Variants in CAPN2 observed in about 807,000 individuals in gnomAD.
CAPN2 encodes the protein calpain-2 catalytic subunit.
CAPN2 carries 92 observed loss-of-function variants against 102.3 expected under a neutral mutation model. That is an observed-to-expected ratio of 0.90 (90% CI 0.76 to 1.07). CAPN2 has a LOEUF of 1.07. CAPN2 is among the 50% of genes least tolerant of loss of function. CAPN2 has a pLI of 0.00. For synonymous variants in CAPN2, 340 were observed against 355.4 expected, an observed-to-expected ratio of 0.96 and a Z score of 0.49; for missense variants, 800 against 909.4, an observed-to-expected ratio of 0.88 and a Z score of 1.55.
intron 2 of CAPN2, among the ~76,000 whole-genome samples, chr1:223,730,459 A>G (rs925621850): frequency 3.1e-4 from 47 of 152,066 alleles, no homozygotes; most frequent in African/African-American, 1.1e-3. Flanking sequence ...CACCCCTGCT[A>G]TAGAATGTAG....
intron 15 of CAPN2, among the ~76,000 whole-genome samples, chr1:223,765,520 G>T (rs1049517412): frequency 6.6e-6 from 1 of 151,848 alleles, no homozygotes; most frequent in African/African-American, 2.4e-5. Flanking sequence ...ATGGAGGGTG[G>T]GGCTGGGAGG....
At chr1:223,719,809 T>TGTGC (rs1335766465) in intron 2 of CAPN2, among the ~76,000 whole-genome samples, 18 of 139,628 alleles carry the variant, frequency 1.3e-4, no homozygotes, top group East Asian at 4.0e-4. Context: ...TGTGTGCGTG[T>TGTGC]GTGTGTGTGT....
intron 6 of CAPN2, 157 bp downstream of exon 6, chr1:223,749,279 G>A: frequency 4.6e-6 from 3 of 647,816 alleles, no homozygotes; most frequent in Admixed American, 3.0e-5. Flanking sequence ...GGAGAAGGGC[G>A]TCCCTTTCGC....
chr1:223,707,254 T>C (rs530357348), intron 1 of CAPN2, among the ~76,000 whole-genome samples: 6 of 142,020 alleles, frequency 4.2e-5, no homozygotes, highest in Non-Finnish European at 7.7e-5. Context: ...CTCTCTCTCT[T>C]CTTCTCTCTC....
At chr1:223,751,036 G>A (rs1295459511) in intron 7 of CAPN2, 61 bp downstream of exon 7, 5 of 1,315,088 alleles carry the variant, frequency 3.8e-6, no homozygotes, top group African/African-American at 2.9e-5. Flanking sequence ...GAGGCTCTGG[G>A]AAGAGGGCGA....
rs1345557489 is a variant in CAPN2, at chr1:223,766,290, A to C, written c.1691-77A>C. On this transcript the variant is annotated intron_variant, in intron 15 of 20. Coordinates refer to ENST00000295006, the MANE Select transcript of CAPN2 (RefSeq NM_001748.5). ...TATGTGAAGGGCACAGATAAAGAAT[A>C]TCTCCATGATTGTGGAAAGTTCAGT... 2.8e-6 allele frequency: 3 copies of C among 1,060,912 alleles called. No individual in the cohort carries two copies. The East Asian group carries it at 7.1e-5, about 25-fold the overall frequency. The allele number at this position is 1,060,912 out of a possible 1,614,324, so 65.7% of individuals were successfully genotyped here.
intron 2 of CAPN2, among the ~76,000 whole-genome samples, chr1:223,739,951 G>A (rs1660571464): frequency 6.6e-6 from 1 of 152,208 alleles, no homozygotes; most frequent in Non-Finnish European, 1.5e-5. Context: ...AACAGGCTTT[G>A]CCAGGAAGAG....
intron 16 of CAPN2, 72 bp downstream of exon 16, chr1:223,766,503 C>A: frequency 8.4e-7 from 1 of 1,184,130 alleles, no homozygotes; most frequent in South Asian, 1.2e-5. Flanking sequence ...GATTCAAACA[C>A]ATGGCCTTCT....
At chr1:223,766,539 C>A in intron 16 of CAPN2, 108 bp downstream of exon 16, 1 of 884,564 alleles carries the variant, frequency 1.1e-6, no homozygotes, top group Non-Finnish European at 1.8e-6. Context: ...CCAGTTGTTC[C>A]CAACTTGCTG....
Position 223,752,778 on chromosome 1 carries a change from T to G in CAPN2, c.975-18T>G, listed in dbSNP as rs755368791. 1.7e-5 allele frequency: 27 copies of G among 1,613,664 alleles called. No homozygotes were observed. The South Asian group carries it at 2.4e-4, about 14-fold the overall frequency. ...GTGTCTTCTTATCACCTGTGATGATTGTCTCTGCTTTTGCCAGGATGTCTT... is the reference window on the plus strand; with the variant it reads ...GTGTCTTCTTATCACCTGTGATGATGGTCTCTGCTTTTGCCAGGATGTCTT... On this transcript the variant is annotated intron_variant, in intron 8 of 20. Coordinates refer to ENST00000295006, the MANE Select transcript of CAPN2 (RefSeq NM_001748.5).
chr1:223,744,823 C>G (rs1660712875), intron 3 of CAPN2, among the ~76,000 whole-genome samples: 1 of 151,710 alleles, frequency 6.6e-6, no homozygotes, highest in South Asian at 2.1e-4. Flanking sequence ...GGGTGGATCA[C>G]TTGAGCCCAG....
rs140010536 is a variant in CAPN2, at chr1:223,741,435, AATGTG to A, written c.308-2664_308-2660del. The stretch of plus-strand genomic sequence containing the variant: ...GGCTGTAAAATGTATATATATATAT[AATGTG>A]TATATATATATATATATATATATAT... On this transcript the variant is annotated intron_variant, in intron 2 of 20. Coordinates refer to ENST00000295006, the MANE Select transcript of CAPN2 (RefSeq NM_001748.5). 5.6e-3 allele frequency among the ~76,000 whole-genome samples: 224 copies of A among 40,152 alleles called. 4 individuals carry two copies. The highest frequency in any genetic ancestry group is 0.034 in the African/African-American group (207 of 6,036). The allele number at this position is 40,152 out of a possible 152,430, so 26.3% of individuals were successfully genotyped here.
intron 14 of CAPN2, among the ~76,000 whole-genome samples, 155 bp downstream of exon 14, chr1:223,762,406 C>T (rs886804175): frequency 1.3e-5 from 2 of 152,232 alleles, no homozygotes; most frequent in Non-Finnish European, 2.9e-5. Flanking sequence ...CAGCTCAGCC[C>T]TCTTGCGTGT....
intron 17 of CAPN2, 46 bp downstream of exon 17, chr1:223,769,955 G>A: frequency 7.0e-7 from 1 of 1,422,394 alleles, no homozygotes; most frequent in East Asian, 2.4e-5. Context: ...GAAACATTCT[G>A]TTCATATGCT....
intron 1 of CAPN2, 80 bp downstream of exon 1, chr1:223,712,957 G>A: frequency 2.9e-6 from 3 of 1,050,692 alleles, no homozygotes; most frequent in Non-Finnish European, 3.7e-6. Flanking sequence ...GCGCGCTGGG[G>A]CGGGGGGCAG....
At chr1:223,728,892 A>G (rs1182350490) in intron 2 of CAPN2, among the ~76,000 whole-genome samples, 1 of 152,220 alleles carries the variant, frequency 6.6e-6, no homozygotes, top group Non-Finnish European at 1.5e-5. Flanking sequence ...TTCTGCTTCC[A>G]TTCAGCCAGC....
upstream of CAPN2, among the ~76,000 whole-genome samples, chr1:223,711,334 C>G (rs1429564366): frequency 6.6e-6 from 1 of 152,196 alleles, no homozygotes; most frequent in East Asian, 1.9e-4. Context: ...ACCCATGTCT[C>G]TGTGTGTGAG....
At chr1:223,737,035 T>C (rs985985211) in intron 2 of CAPN2, among the ~76,000 whole-genome samples, 2 of 151,280 alleles carry the variant, frequency 1.3e-5, no homozygotes, top group East Asian at 3.9e-4. Context: ...TGAGAACCTG[T>C]CTCAAAAAAA....
upstream of CAPN2, among the ~76,000 whole-genome samples, chr1:223,710,155 A>C (rs1200004704): frequency 2.0e-5 from 3 of 152,162 alleles, no homozygotes; most frequent in Non-Finnish European, 4.4e-5. Flanking sequence ...GTGCACCTGT[A>C]ATCCCAGCTA....
Sources: allele counts gnomAD v4.1 joint callset (sites outside exome capture counted in the v4.1 genomes callset), GRCh38; gene constraint gnomAD v4.1.1; transcripts MANE v1.5; gene names NCBI Gene and HGNC (gene_info 2026-07-23, HGNC 2026-07-21).